The following ECT2L variants were observed in gnomAD, a reference collection of about 807,000 sequenced individuals.
ECT2L encodes the protein epithelial cell-transforming sequence 2 oncogene-like.
ECT2L carries 126 observed loss-of-function variants against 122.8 expected under a neutral mutation model. That is an observed-to-expected ratio of 1.03 (90% CI 0.89 to 1.19). The LOEUF (loss-of-function observed/expected upper bound fraction) is 1.19. Among genes scored for constraint, ECT2L ranks in the 50% most tolerant of loss-of-function variants. The pLI, the probability that ECT2L is intolerant of heterozygous loss-of-function variation, is 0.00. For missense variants in ECT2L, 1,012 were observed against 1,064.1 expected, an observed-to-expected ratio of 0.95 and a Z score of 0.68; for synonymous variants, 385 against 381.8, an observed-to-expected ratio of 1.01 and a Z score of -0.10.
At chr6:138,807,226 A>G (rs1775742870) in intron 1 of ECT2L, among the ~76,000 whole-genome samples, 1 of 151,454 alleles carries the variant, frequency 6.6e-6, no homozygotes, top group Non-Finnish European at 1.5e-5. Context: ...CACCTGTCTG[A>G]GCTTCCCAAA....
At chr6:138,874,370 A>G (rs1778367874) in intron 13 of ECT2L, among the ~76,000 whole-genome samples, 2 of 152,240 alleles carry the variant, frequency 1.3e-5, no homozygotes, top group South Asian at 2.1e-4. Flanking sequence ...AGTAAAAGAT[A>G]GCATCGGAAT....
Position 138,814,505 on chromosome 6 carries a change from A to G in ECT2L, c.81A>G (p.Arg27=). The change falls in exon 4 of 22, where the codon AGA becomes AGG. Residue 27 remains arginine, a synonymous_variant. Coordinates refer to ENST00000541398, the MANE Select transcript of ECT2L (RefSeq NM_001077706.3). The stretch of plus-strand genomic sequence containing the variant: ...CCCCCTTATAGCTCTTTCAGGAAAG[A>G]GTGGCTCTTATAAGTCATTGGTTTG... ...KSLNRQLFQE[R]VALISHWFDL... is the part of the protein sequence containing the mutation. 6.2e-7 allele frequency: 1 copy of G among 1,608,384 alleles called. No individual in the cohort carries two copies. Among genetic ancestry groups the G allele is most frequent in the South Asian group, 1.1e-5 (1 of 90,542 alleles).
intron 15 of ECT2L, 87 bp downstream of exon 15, chr6:138,881,258 G>A: frequency 1.5e-6 from 2 of 1,316,976 alleles, no homozygotes; most frequent in South Asian, 2.6e-5. Flanking sequence ...GTATGGAGGT[G>A]CAATGATGCT....
At chr6:138,890,420 G>A (rs976599057) in intron 20 of ECT2L, among the ~76,000 whole-genome samples, 3 of 146,664 alleles carry the variant, frequency 2.0e-5, no homozygotes, top group Non-Finnish European at 4.5e-5. Context: ...ACCTAGACTA[G>A]ATCTTAAATG....
intron 1 of ECT2L, among the ~76,000 whole-genome samples, 193 bp downstream of exon 1, chr6:138,796,385 T>C (rs922921710): frequency 4.6e-5 from 7 of 152,186 alleles, no homozygotes; most frequent in Admixed American, 6.5e-5. Context: ...GAAGAGGCTC[T>C]GGGGAGAAAC....
intron 1 of ECT2L, among the ~76,000 whole-genome samples, chr6:138,797,970 T>A (rs1775401146): frequency 6.6e-6 from 1 of 152,238 alleles, no homozygotes; most frequent in Non-Finnish European, 1.5e-5. Context: ...CCGGTTTGAT[T>A]AATTTGCTAG....
At chr6:138,853,363 T>TA (rs1336053422) in intron 9 of ECT2L, among the ~76,000 whole-genome samples, 1 of 152,164 alleles carries the variant, frequency 6.6e-6, no homozygotes, top group African/African-American at 2.4e-5. Context: ...GCTTTTGCTT[T>TA]AAAAACAACA....
At chr6:138,844,604 A>G in intron 7 of ECT2L, 24 bp downstream of exon 7, 1 of 1,610,420 alleles carries the variant, frequency 6.2e-7, no homozygotes. Context: ...CATCTACTGA[A>G]GGCTCAACAC....
intron 19 of ECT2L, among the ~76,000 whole-genome samples, chr6:138,888,012 C>CA (rs886703170): frequency 6.6e-6 from 1 of 152,164 alleles, no homozygotes; most frequent in African/African-American, 2.4e-5. Context: ...TCATGTCTGG[C>CA]ACATAAGAGG....
rs5880405 is a variant in ECT2L, at chr6:138,834,935, A to ACACACACT, written c.180-3416_180-3415insACACACTC. ...CACACACACACACACACACACACAC[A>ACACACACT]CTCTCATTCTCTCTCTCTGTCTCTT... On this transcript the variant is annotated intron_variant, in intron 4 of 21. Transcript: ENST00000541398. Among the ~76,000 whole-genome samples the ACACACACT allele has an allele frequency of 1.2e-3, 176 of 142,854 alleles. 2 individuals are homozygous for ACACACACT. The highest frequency in any genetic ancestry group is 4.0e-3 in the African/African-American group (152 of 37,640). The allele number at this position is 142,854 out of a possible 152,430, so 93.7% of individuals were successfully genotyped here.
chr6:138,851,306 A>C (rs551460405), intron 9 of ECT2L, among the ~76,000 whole-genome samples: 3 of 151,682 alleles, frequency 2.0e-5, no homozygotes, highest in Non-Finnish European at 4.4e-5. Context: ...CTTTTTCCTC[A>C]GTGTGTCCTA....
At chr6:138,893,777 G>C (rs1301679534) in intron 20 of ECT2L, among the ~76,000 whole-genome samples, 1 of 152,102 alleles carries the variant, frequency 6.6e-6, no homozygotes. Context: ...GGCTCCTAGA[G>C]GCAAAACTCA....
intron 4 of ECT2L, among the ~76,000 whole-genome samples, chr6:138,825,295 T>C (rs905912612): frequency 5.9e-5 from 9 of 152,092 alleles, no homozygotes; most frequent in African/African-American, 1.9e-4. Context: ...AAAATACATA[T>C]AATGCCGAGC....
intron 4 of ECT2L, among the ~76,000 whole-genome samples, chr6:138,824,513 A>G (rs1776364384): frequency 6.8e-6 from 1 of 147,700 alleles, no homozygotes; most frequent in Non-Finnish European, 1.5e-5. Context: ...AAGTAATTTT[A>G]TAAAATCCAC....
At chr6:138,844,791 T>C (rs1777163822) in intron 7 of ECT2L, among the ~76,000 whole-genome samples, 1 of 130,152 alleles carries the variant, frequency 7.7e-6, no homozygotes, top group African/African-American at 2.9e-5. Context: ...ACATTTTAAA[T>C]GTTCTTTTTT....
chr6:138,833,982 A>G (rs1261285693), intron 4 of ECT2L, among the ~76,000 whole-genome samples: 1 of 152,014 alleles, frequency 6.6e-6, no homozygotes, highest in East Asian at 1.9e-4. Context: ...TCTCCCCTCC[A>G]CAGGCCTCTC....
chr6:138,800,674 G>A (rs1775512620), intron 1 of ECT2L, among the ~76,000 whole-genome samples: 2 of 152,172 alleles, frequency 1.3e-5, no homozygotes, highest in African/African-American at 4.8e-5. Flanking sequence ...TCACAGTTGT[G>A]ACACAGTTGT....
chr6:138,891,389 A>G (rs2128411689), intron 20 of ECT2L, among the ~76,000 whole-genome samples: 2 of 152,238 alleles, frequency 1.3e-5, no homozygotes, highest in South Asian at 4.2e-4. Flanking sequence ...TTCAGCTGAG[A>G]GTATGTTATC....
chr6:138,839,784 C>A (rs181897001), intron 5 of ECT2L, among the ~76,000 whole-genome samples: 2 of 152,012 alleles, frequency 1.3e-5, no homozygotes, highest in African/African-American at 4.8e-5. Context: ...TTCCTTTGTG[C>A]GAATTAAACT....
Sources: gnomAD v4.1 joint callset for allele counts (sites outside exome capture counted in the v4.1 genomes callset) on GRCh38, gnomAD v4.1.1 for gene constraint, MANE v1.5 for transcripts, NCBI Gene and HGNC (gene_info 2026-07-23, HGNC 2026-07-21) for gene names.